The following CDNF variants were observed in gnomAD, a reference collection of about 807,000 sequenced individuals.
CDNF encodes cerebral dopamine neurotrophic factor, also known as ARMET-like protein 1.
Under a neutral mutation model 14.8 loss-of-function variants are expected in CDNF, and 9 were observed. The observed-to-expected ratio is 0.61, with a 90% CI of 0.37 to 1.06. The LOEUF is 1.06. CDNF is among the 50% of genes least tolerant of loss of function. The pLI is 0.01. For missense variants in CDNF, 228 were observed against 228.4 expected (o/e 1.00, Z 0.01); for synonymous variants, 86 against 87.2 (o/e 0.99, Z 0.07).
At chr10:14,837,163 G>A (rs1318893564) in intron 1 of CDNF, among the ~76,000 whole-genome samples, 4 of 152,168 alleles carry the variant, frequency 2.6e-5, no homozygotes, top group Non-Finnish European at 5.9e-5. Flanking sequence ...TACCTTCTTT[G>A]CCTTTGCTAA....
At chr10:14,826,400 CAGCAGCAGCAGCAGA>C (rs1833794558) in intron 2 of CDNF, among the ~76,000 whole-genome samples, 2 of 143,672 alleles carry the variant, frequency 1.4e-5, no homozygotes, top group African/African-American at 5.3e-5. Flanking sequence ...GCAGAAGAAG[CAGCAGCAGCAGCAGA>C]AGCAGCAGAA....
chr10:14,825,486 C>T lies in CDNF; in HGVS notation c.378G>A (p.Leu126=). The change falls in exon 3 of 4, where the codon CTG becomes CTA. Residue 126 remains leucine (L), a synonymous_variant. Transcript: ENST00000465530. ...LKKLDSQICE[L]KYEKTLDLAS... ...CACGGGGCTGTGTTATACCATATTT[C>T]AGCTCACAGATCTGGCTATCCAACT... is the stretch of plus-strand genomic sequence containing the variant. The T allele has an allele frequency of 1.9e-6, 3 of 1,614,000 alleles. No individual in the cohort carries two copies. Among genetic ancestry groups the T allele is most frequent in the Non-Finnish European group, 2.5e-6 (3 of 1,179,948 alleles).
chr10:14,826,324 G>A (rs190222050), intron 2 of CDNF, among the ~76,000 whole-genome samples: 17 of 149,234 alleles, frequency 1.1e-4, no homozygotes, highest in Non-Finnish European at 2.4e-4. Flanking sequence ...CAGCAGAAGT[G>A]GAGGAATCAG....
At chr10:14,825,962 A>C (rs530251792) in intron 2 of CDNF, among the ~76,000 whole-genome samples, 17 of 151,380 alleles carry the variant, frequency 1.1e-4, no homozygotes, top group African/African-American at 3.6e-4. Context: ...AAAAAAAAGA[A>C]GAAGAAGAAA....
At chr10:14,826,482 A>G (rs200743496) in intron 2 of CDNF, among the ~76,000 whole-genome samples, 14 of 141,010 alleles carry the variant, frequency 9.9e-5, no homozygotes, top group East Asian at 4.5e-4. Flanking sequence ...AGAAGAAGAA[A>G]AAGAAGAAGA....
At chr10:14,823,901 G>A (rs1833758345) in intron 3 of CDNF, among the ~76,000 whole-genome samples, 1 of 152,186 alleles carries the variant, frequency 6.6e-6, no homozygotes, top group African/African-American at 2.4e-5. Flanking sequence ...AATAAAAAAG[G>A]GATGCCTACT....
In CDNF at chr10:14,820,044, T is replaced by G. The variant is rs770147902; in HGVS notation, c.500A>C (p.Tyr167Ser). Residue 167 changes from tyrosine (Y) to serine (S), a missense_variant, in exon 4 of 4, where the codon TAT (tyrosine) becomes TCT (serine). Physicochemically the swap from Tyr to Ser is moderately radical, Grantham distance 144. Coordinates refer to ENST00000465530, the MANE Select transcript of CDNF (RefSeq NM_001029954.3). ...GGCCAGCTCTTGAATGAGATTCACA[T>G]AGTCAGTTTTTTCTGCACAGGCCCT... ...ECRACAEKTD[Y>S]VNLIQELAPK... is the part of the protein sequence containing the mutation. 1 of 1,614,078 alleles carries G rather than the reference T, an allele frequency of 6.2e-7. No individual in the cohort carries two copies.
intron 1 of CDNF, among the ~76,000 whole-genome samples, chr10:14,831,899 C>G (rs1833847282): frequency 6.6e-6 from 1 of 152,078 alleles, no homozygotes; most frequent in Admixed American, 6.6e-5. Context: ...CTAATGCTAT[C>G]AACATGAACA....
chr10:14,826,675 T>G (rs1833799509), intron 2 of CDNF, among the ~76,000 whole-genome samples: 1 of 152,172 alleles, frequency 6.6e-6, no homozygotes, highest in Non-Finnish European at 1.5e-5. Flanking sequence ...ACACTAAGTG[T>G]TTTCTCTGTG....
intron 2 of CDNF, among the ~76,000 whole-genome samples, chr10:14,826,035 A>AAGAAGC (rs1564313285): frequency 7.0e-5 from 4 of 56,806 alleles, no homozygotes. Flanking sequence ...GAAGGAGAAG[A>AAGAAGC]AGAAGAAGAA....
intron 3 of CDNF, among the ~76,000 whole-genome samples, chr10:14,821,380 TC>T (rs1238246811): frequency 3.9e-5 from 6 of 152,336 alleles, no homozygotes; most frequent in Non-Finnish European, 4.4e-5. Context: ...TGCCACGGCC[TC>T]CCAAAGTGCT....
intron 3 of CDNF, among the ~76,000 whole-genome samples, chr10:14,821,863 G>A (rs575204318): frequency 6.6e-6 from 1 of 152,290 alleles, no homozygotes; most frequent in African/African-American, 2.4e-5. Flanking sequence ...GCCTTGGTTT[G>A]CGGCCAACTT....
Position 14,826,032 on chromosome 10 carries a change from A to G in CDNF, c.244-412T>C, listed in dbSNP as rs1293435982. Among the ~76,000 whole-genome samples the G allele has an allele frequency of 4.0e-3, 168 of 42,042 alleles. 1 individual carries two copies. The highest frequency in any genetic ancestry group is 0.027 in the East Asian group (52 of 1,958). 27.6% of individuals were successfully genotyped at this position (42,042 alleles called of 152,430 possible). The stretch of plus-strand genomic sequence containing the variant: ...GCAGAAGCAGAAGAAGAAGAAGGAG[A>G]AGAAGAAGAAGAAGAAGAAGAAGAA... On this transcript the variant is annotated intron_variant, in intron 2 of 3. Transcript: ENST00000465530.
Position 14,820,044 on chromosome 10 carries a change from TAGTC to T in CDNF, c.496_499del (p.Asp166MetfsTer2). On this transcript the variant is annotated frameshift_variant, in exon 4 of 4. Coordinates refer to ENST00000465530, the MANE Select transcript of CDNF (RefSeq NM_001029954.3). LOFTEE classifies it low-confidence loss of function (END_TRUNC). ...GGCCAGCTCTTGAATGAGATTCACA[TAGTC>T]AGTTTTTTCTGCACAGGCCCTGCAC... The T allele has an allele frequency of 6.2e-7, 1 of 1,614,078 alleles. No individual in the cohort carries two copies. The highest frequency in any genetic ancestry group is 8.5e-7 in the Non-Finnish European group (1 of 1,179,974).
In CDNF at chr10:14,819,998, G is replaced by T. The variant is rs757383518; in HGVS notation, c.546C>A (p.His182Gln). 2 of 1,613,804 alleles carry T rather than the reference G, an allele frequency of 1.2e-6. No individual in the cohort carries two copies. Among genetic ancestry groups the T allele is most frequent in the East Asian group, 2.2e-5 (1 of 44,874 alleles). ...QELAPKYAAT[H>Q]PKTEL Reference sequence around the variant, plus strand: ...TTGGAGATCAGAGCTCTGTTTTGGGGTGTGTCGCTGCATACTTGGGGGCCA... The same window carrying T: ...TTGGAGATCAGAGCTCTGTTTTGGGTTGTGTCGCTGCATACTTGGGGGCCA... Residue 182 changes from histidine (H) to glutamine (Q), a missense_variant, in exon 4 of 4, where the codon CAC becomes CAA. Transcript: ENST00000465530.
chr10:14,836,120 A>C (rs1221835495), intron 1 of CDNF: 1 of 152,254 alleles, frequency 6.6e-6, no homozygotes, highest in African/African-American at 2.4e-5. Flanking sequence ...GCTCTAGAGT[A>C]TGTATAATAT....
At chr10:14,826,095 A>AAGAAGAAGAAGAAGAAGCAGC (rs1426555042) in intron 2 of CDNF, among the ~76,000 whole-genome samples, 2 of 87,540 alleles carry the variant, frequency 2.3e-5, no homozygotes, top group Non-Finnish European at 2.3e-5. Context: ...GAAGAAGAAG[A>AAGAAGAAGAAGAAGAAGCAGC]AGCAGCAGCA....
intron 3 of CDNF, among the ~76,000 whole-genome samples, chr10:14,820,948 T>TC (rs1191258900): frequency 1.3e-5 from 2 of 151,150 alleles, no homozygotes; most frequent in African/African-American, 4.9e-5. Context: ...GTGTAGCACC[T>TC]CCCCCTTTGC....
chr10:14,835,612 T>C (rs920962575), intron 1 of CDNF, among the ~76,000 whole-genome samples: 2 of 152,244 alleles, frequency 1.3e-5, no homozygotes, highest in African/African-American at 4.8e-5. Context: ...ATACTTCTTT[T>C]ATTTATATTG....
Sources: allele counts gnomAD v4.1 joint callset (sites outside exome capture counted in the v4.1 genomes callset), GRCh38; gene constraint gnomAD v4.1.1; transcripts MANE v1.5; gene names NCBI Gene and HGNC (gene_info 2026-07-23, HGNC 2026-07-21).